Variants in MVB12B observed in about 807,000 individuals in gnomAD.
MVB12B encodes the protein ESCRT-I complex subunit MVB12B.
MVB12B carries 16 observed loss-of-function variants against 41.6 expected under a neutral mutation model. The ratio of observed to expected loss-of-function variants is 0.38; its 90% confidence interval spans 0.26 to 0.58. MVB12B has a LOEUF of 0.58. MVB12B is among the 20% of genes least tolerant of loss of function. The pLI is 0.62. For synonymous variants in MVB12B, 133 were observed against 139.7 expected, an observed-to-expected ratio of 0.95 and a Z score of 0.34; for missense variants, 274 against 380.2, an observed-to-expected ratio of 0.72 and a Z score of 2.32.
intron 7 of MVB12B, among the ~76,000 whole-genome samples, chr9:126,444,962 T>A (rs763256949): frequency 6.6e-6 from 1 of 152,222 alleles, no homozygotes; most frequent in Non-Finnish European, 1.5e-5. Flanking sequence ...TTTTAATAAT[T>A]ATAAATGTAT....
At chr9:126,355,789 G>A (rs983860522) in intron 2 of MVB12B, among the ~76,000 whole-genome samples, 1 of 152,220 alleles carries the variant, frequency 6.6e-6, no homozygotes, top group African/African-American at 2.4e-5. Context: ...TCTAAAAACT[G>A]AGGTAAAGTA....
intron 7 of MVB12B, among the ~76,000 whole-genome samples, chr9:126,469,678 T>A (rs1468675): frequency 6.6e-6 from 1 of 152,208 alleles, no homozygotes; most frequent in South Asian, 2.1e-4. Context: ...CGTATCTGCA[T>A]TGGACCTTGG....
At chr9:126,347,611 C>T (rs974659878) in intron 2 of MVB12B, among the ~76,000 whole-genome samples, 33 of 152,248 alleles carry the variant, frequency 2.2e-4, no homozygotes, top group African/African-American at 7.2e-4. Context: ...AGTTTAAAAT[C>T]CCAAACCTCC....
chr9:126,443,656 T>C (rs1315548360), intron 7 of MVB12B, among the ~76,000 whole-genome samples: 2 of 152,238 alleles, frequency 1.3e-5, no homozygotes, highest in African/African-American at 4.8e-5. Flanking sequence ...CTATGCCATA[T>C]GTTTACACTT....
intron 7 of MVB12B, among the ~76,000 whole-genome samples, chr9:126,458,897 G>A (rs538506411): frequency 1.3e-5 from 2 of 152,240 alleles, no homozygotes; most frequent in East Asian, 3.9e-4. Flanking sequence ...TAGGGAGAGA[G>A]ACCGAAAAAA....
intron 2 of MVB12B, among the ~76,000 whole-genome samples, chr9:126,378,087 C>T (rs1377830778): frequency 2.6e-5 from 4 of 152,212 alleles, no homozygotes; most frequent in East Asian, 1.9e-4. Flanking sequence ...CTCCATGTTG[C>T]GCATGCTGCA....
At chr9:126,447,352 G>C (rs988237865) in intron 7 of MVB12B, among the ~76,000 whole-genome samples, 1 of 150,470 alleles carries the variant, frequency 6.6e-6, no homozygotes, top group Non-Finnish European at 1.5e-5. Flanking sequence ...TTTAATAAAA[G>C]TGTTTAGGGT....
chr9:126,416,630 C>A (rs1291261857), intron 6 of MVB12B, among the ~76,000 whole-genome samples: 1 of 152,212 alleles, frequency 6.6e-6, no homozygotes, highest in African/African-American at 2.4e-5. Context: ...GTAACTCTAA[C>A]ATAGCGATAA....
chr9:126,346,524 C>T (rs1829593544), intron 2 of MVB12B, among the ~76,000 whole-genome samples: 2 of 152,006 alleles, frequency 1.3e-5, no homozygotes, highest in Admixed American at 6.5e-5. Context: ...GTTTTGAACA[C>T]CTTGAGTTTG....
chr9:126,448,864 G>A (rs186545944), intron 7 of MVB12B, among the ~76,000 whole-genome samples: 37 of 152,316 alleles, frequency 2.4e-4, no homozygotes, highest in Admixed American at 2.3e-3. Context: ...ATGTCAACGT[G>A]AAATTTGGAG....
chr9:126,412,595 T>C (rs1831683690), intron 6 of MVB12B, among the ~76,000 whole-genome samples: 1 of 152,208 alleles, frequency 6.6e-6, no homozygotes, highest in African/African-American at 2.4e-5. Flanking sequence ...TCTTTTTTTC[T>C]GATTAAAAGA....
intron 2 of MVB12B, among the ~76,000 whole-genome samples, chr9:126,358,015 T>A (rs1333795289): frequency 2.0e-5 from 3 of 152,186 alleles, no homozygotes; most frequent in African/African-American, 7.2e-5. Flanking sequence ...GATATATGGA[T>A]CAAATATCAT....
intron 9 of MVB12B, among the ~76,000 whole-genome samples, chr9:126,489,800 A>G (rs1833695112): frequency 1.3e-5 from 2 of 152,182 alleles, no homozygotes; most frequent in Non-Finnish European, 2.9e-5. Flanking sequence ...CATGAGTCCC[A>G]GGCATGAGGA....
At chr9:126,493,003 T>G (rs533712708) in intron 9 of MVB12B, among the ~76,000 whole-genome samples, 7 of 152,294 alleles carry the variant, frequency 4.6e-5, no homozygotes, top group African/African-American at 1.7e-4. Flanking sequence ...GCTCTTTACG[T>G]TTTAAAGAGA....
At chr9:126,440,858 T>G (rs1025451609) in intron 7 of MVB12B, among the ~76,000 whole-genome samples, 1 of 152,258 alleles carries the variant, frequency 6.6e-6, no homozygotes, top group Non-Finnish European at 1.5e-5. Flanking sequence ...AGCCCGTGCA[T>G]GCACAATAAG....
chr9:126,492,304 T>TA (rs888471052), intron 9 of MVB12B, among the ~76,000 whole-genome samples: 11 of 151,794 alleles, frequency 7.2e-5, no homozygotes, highest in African/African-American at 2.4e-4. Context: ...AATCCACTAT[T>TA]GACTGACTTT....
Position 126,386,381 on chromosome 9 carries a change from A to G in MVB12B, c.313-181A>G, listed in dbSNP as rs557435334. Among the ~76,000 whole-genome samples, 2 of 152,288 alleles carry G rather than the reference A, an allele frequency of 1.3e-5. No homozygotes were observed. The highest frequency in any genetic ancestry group is 2.9e-5 in the Non-Finnish European group (2 of 68,022). On this transcript the variant is annotated intron_variant, in intron 3 of 9. Transcript: ENST00000361171. This position sits in a 1 kb window ranked among gnomAD's most constrained non-coding sequence, Gnocchi z 4.3. ...GGTTCCGCAGATGAAACTCCTTCCC[A>G]GGGGCCACACGAGTCCCTGCATAAC...
At chr9:126,349,541 C>T (rs904001147) in intron 2 of MVB12B, among the ~76,000 whole-genome samples, 5 of 152,210 alleles carry the variant, frequency 3.3e-5, no homozygotes, top group Non-Finnish European at 7.3e-5. Context: ...AGCCACTAAT[C>T]TGTTCTCCAT....
At chr9:126,362,237 A>G (rs1830048132) in intron 2 of MVB12B, among the ~76,000 whole-genome samples, 1 of 152,194 alleles carries the variant, frequency 6.6e-6, no homozygotes, top group Admixed American at 6.5e-5. Flanking sequence ...TGACATGTAT[A>G]TTGAACCACT....
Sources: allele counts gnomAD v4.1 joint callset (sites outside exome capture counted in the v4.1 genomes callset), GRCh38; gene constraint gnomAD v4.1.1; non-coding constraint Gnocchi (gnomAD v3.1); transcripts MANE v1.5; gene names NCBI Gene and HGNC (gene_info 2026-07-23, HGNC 2026-07-21).